The following MSI2 variants were observed in gnomAD, a reference collection of about 807,000 sequenced individuals.
MSI2 encodes the protein musashi RNA binding protein 2.
In MSI2, 17 loss-of-function variants were observed where a neutral mutation model predicts 45.6. The ratio of observed to expected loss-of-function variants is 0.37; its 90% CI spans 0.26 to 0.56. MSI2 has a LOEUF of 0.56. MSI2 is among the 20% of genes least tolerant of loss of function. MSI2 has a pLI of 0.77. For synonymous variants in MSI2, 156 were observed against 158.2 expected, an observed-to-expected ratio of 0.99 and a Z score of 0.11; for missense variants, 293 against 444.2, an observed-to-expected ratio of 0.66 and a Z score of 3.06.
Position 57,627,205 on chromosome 17 carries a change from C to G in MSI2, c.653-24C>G. 6.2e-7 allele frequency: 1 copy of G among 1,613,074 alleles called. No homozygotes were observed. The highest frequency in any genetic ancestry group is 8.5e-7 in the Non-Finnish European group (1 of 1,178,992). ...CTGAGGCGGCTGTACTAACAGGACT[C>G]TGATCTTTCTCTTTGTGTTCAAGGA... On this transcript the variant is annotated intron_variant, in intron 9 of 13. Transcript: ENST00000284073. The surrounding 1 kb of genome is among the most constrained non-coding windows in gnomAD (Gnocchi z 4.6).
At chr17:57,275,364 C>G (rs534290347) in intron 5 of MSI2, among the ~76,000 whole-genome samples, 4 of 152,186 alleles carry the variant, frequency 2.6e-5, no homozygotes, top group Admixed American at 2.6e-4. Context: ...TAGGAGGGAG[C>G]GAGGGAGAAC....
At chr17:57,297,066 G>A (rs1013540128) in intron 5 of MSI2, among the ~76,000 whole-genome samples, 1 of 151,974 alleles carries the variant, frequency 6.6e-6, no homozygotes, top group Admixed American at 6.6e-5. Flanking sequence ...GTAGAGATGG[G>A]GTTTCACCAT....
At chr17:57,582,384 G>C (rs1299333227) in intron 7 of MSI2, among the ~76,000 whole-genome samples, 1 of 151,634 alleles carries the variant, frequency 6.6e-6, no homozygotes, top group Non-Finnish European at 1.5e-5. Context: ...TATACAAATA[G>C]GACTATAATA....
At chr17:57,490,503 T>C (rs1056983975) in intron 6 of MSI2, among the ~76,000 whole-genome samples, 11 of 152,198 alleles carry the variant, frequency 7.2e-5, no homozygotes, top group Admixed American at 5.9e-4. Flanking sequence ...GACCTCTGCT[T>C]TGAAAACAGC....
intron 6 of MSI2, among the ~76,000 whole-genome samples, chr17:57,438,955 A>G (rs1486205048): frequency 6.6e-6 from 1 of 151,986 alleles, no homozygotes; most frequent in African/African-American, 2.4e-5. Context: ...ACCTGCCACC[A>G]CGCCCGGCTA....
chr17:57,490,658 A>G (rs1333678035), intron 6 of MSI2, among the ~76,000 whole-genome samples: 1 of 152,234 alleles, frequency 6.6e-6, no homozygotes, highest in Admixed American at 6.5e-5. Flanking sequence ...AATATTTGGA[A>G]TAAAATACCA....
intron 5 of MSI2, among the ~76,000 whole-genome samples, chr17:57,274,841 C>T (rs1047827787): frequency 1.4e-4 from 22 of 152,010 alleles, no homozygotes; most frequent in African/African-American, 5.3e-4. Context: ...AACTCTGTGA[C>T]TTTAGGAAGG....
At chr17:57,508,900 G>A (rs1038724248) in intron 6 of MSI2, among the ~76,000 whole-genome samples, 2 of 152,152 alleles carry the variant, frequency 1.3e-5, no homozygotes, top group African/African-American at 4.8e-5. Context: ...AGGCTGTTCC[G>A]GGACCCATTC....
chr17:57,504,710 C>G (rs1440555590), intron 6 of MSI2, among the ~76,000 whole-genome samples: 2 of 152,148 alleles, frequency 1.3e-5, no homozygotes, highest in African/African-American at 4.8e-5. Flanking sequence ...GCGGGTGGAT[C>G]AGCTGAGGTC....
At chr17:57,622,109 G>C (rs776220685) in intron 9 of MSI2, among the ~76,000 whole-genome samples, 61 of 152,322 alleles carry the variant, frequency 4.0e-4, no homozygotes, top group Non-Finnish European at 8.2e-4. Context: ...TGAGGCAGAA[G>C]AATCTTGAAC....
At chr17:57,432,994 T>G (rs1244698165) in intron 6 of MSI2, among the ~76,000 whole-genome samples, 1 of 152,190 alleles carries the variant, frequency 6.6e-6, no homozygotes, top group Non-Finnish European at 1.5e-5. Flanking sequence ...GTTCCCAACT[T>G]GCAGTGGCTC....
At chr17:57,637,459 G>A (rs983481237) in intron 10 of MSI2, among the ~76,000 whole-genome samples, 3 of 152,194 alleles carry the variant, frequency 2.0e-5, no homozygotes, top group African/African-American at 7.2e-5. Flanking sequence ...CTGAATTGAC[G>A]AGAATTGTGG....
At chr17:57,378,198 C>T (rs944739352) in intron 5 of MSI2, among the ~76,000 whole-genome samples, 1 of 152,096 alleles carries the variant, frequency 6.6e-6, no homozygotes, top group African/African-American at 2.4e-5. Context: ...TTCACTGTAG[C>T]CTCAGCCTCC....
intron 10 of MSI2, among the ~76,000 whole-genome samples, chr17:57,645,122 T>C (rs1372870746): frequency 6.6e-6 from 1 of 152,198 alleles, no homozygotes; most frequent in East Asian, 1.9e-4. Context: ...GTTCTCTGCC[T>C]ACACTGTGCA....
chr17:57,509,108 G>A (rs1039340127), intron 6 of MSI2, among the ~76,000 whole-genome samples: 1 of 152,172 alleles, frequency 6.6e-6, no homozygotes, highest in African/African-American at 2.4e-5. Flanking sequence ...GGGTTTTGAG[G>A]ATTAATGAGC....
intron 7 of MSI2, among the ~76,000 whole-genome samples, chr17:57,539,706 C>T (rs114542543): frequency 0.012 from 1,675 of 143,612 alleles, 13 homozygotes; most frequent in Middle Eastern, 0.022. Flanking sequence ...TCCCAGACAA[C>T]GTGCTATTAT....
At chr17:57,669,167 A>G (rs932903473) in intron 11 of MSI2, among the ~76,000 whole-genome samples, 2 of 152,208 alleles carry the variant, frequency 1.3e-5, no homozygotes, top group Non-Finnish European at 2.9e-5. Flanking sequence ...CCATTTGACC[A>G]TCTGCAATTA....
rs114920682 is a variant in MSI2 at position 57,414,064 on chromosome 17, A to G, written c.405+12593A>G. Among the ~76,000 whole-genome samples the G allele has an allele frequency of 1.7e-3, 256 of 150,170 alleles. 7 individuals are homozygous for G. The highest frequency in any genetic ancestry group is 6.3e-3 in the African/African-American group (249 of 39,538). On this transcript the variant is annotated intron_variant, in intron 6 of 13. Coordinates refer to ENST00000284073, the MANE Select transcript of MSI2 (RefSeq NM_138962.4). ...GGTGTGGGTGGCGGAGGACCAGCCA[A>G]AAGCAAGCAAGGAAATAATAAAAAT...
At chr17:57,411,470 T>G (rs778737319) in intron 6 of MSI2, among the ~76,000 whole-genome samples, 1 of 152,202 alleles carries the variant, frequency 6.6e-6, no homozygotes, top group Non-Finnish European at 1.5e-5. Context: ...ATGTATCTTT[T>G]ACCTTGTAAT....
Sources: gnomAD v4.1 joint callset for allele counts (sites outside exome capture counted in the v4.1 genomes callset) on GRCh38, gnomAD v4.1.1 for gene constraint, Gnocchi (gnomAD v3.1) non-coding constraint, MANE v1.5 for transcripts, NCBI Gene and HGNC (gene_info 2026-07-23, HGNC 2026-07-21) for gene names.